SCG5: variants seen among roughly 807,000 people sequenced by gnomAD.
The protein encoded by SCG5 is secretogranin V, also known as neuroendocrine protein 7B2.
In SCG5, 18 loss-of-function variants were observed where a neutral mutation model predicts 25.7. That is an observed-to-expected ratio of 0.70 (90% CI 0.48 to 1.04). The LOEUF (loss-of-function observed/expected upper bound fraction) is 1.04, where lower values mean the gene tolerates loss of function less well. Ranked by LOEUF, SCG5 falls within the 50% of genes least tolerant of loss-of-function variation. The pLI is 0.00. For synonymous variants in SCG5, 101 were observed against 91.7 expected (o/e 1.10, Z -0.58); for missense variants, 206 against 259.8 (o/e 0.79, Z 1.42).
chr15:32,688,215 C>T (rs1030362386), intron 4 of SCG5, among the ~76,000 whole-genome samples: 1 of 152,224 alleles, frequency 6.6e-6, no homozygotes, highest in African/African-American at 2.4e-5. Context: ...GCCTTCCAGA[C>T]AATGTGTGTG....
intron 2 of SCG5, among the ~76,000 whole-genome samples, chr15:32,657,209 A>ATG (rs10643931): frequency 0.16 from 6,187 of 38,750 alleles, 1,969 homozygotes; most frequent in African/African-American, 0.34. Flanking sequence ...GTATATATAT[A>ATG]TATGTATGTA....
chr15:32,672,423 G>C (rs1372501799), intron 2 of SCG5, among the ~76,000 whole-genome samples: 1 of 152,256 alleles, frequency 6.6e-6, no homozygotes, highest in African/African-American at 2.4e-5. Context: ...GAGGGCAGGG[G>C]TTGTCCGGAT....
At chr15:32,667,529 C>T (rs567276312) in intron 2 of SCG5, among the ~76,000 whole-genome samples, 3 of 152,372 alleles carry the variant, frequency 2.0e-5, no homozygotes, top group Non-Finnish European at 4.4e-5. Context: ...GACTTTAAGG[C>T]ACGAATTGCT....
Position 32,676,062 on chromosome 15 carries a change from C to G in SCG5, c.227-3704C>G, listed in dbSNP as rs558281743. On this transcript the variant is annotated intron_variant, in intron 2 of 5. Transcript: ENST00000300175. ...AATGAACCAGATAACTGCATTTGGC[C>G]CTTTGCAACTGTATAATATTAAAAT... is the stretch of plus-strand genomic sequence containing the variant. 4.6e-5 allele frequency among the ~76,000 whole-genome samples: 7 copies of G among 152,168 alleles called. No individual in the cohort carries two copies. In the East Asian group the frequency reaches 1.4e-3, roughly 29 times the overall value.
rs755549502 is a variant in SCG5, at chr15:32,684,274, C to T, written c.377-283C>T. ...GCCTCCACTCAGGCAAATGACTCCA[C>T]GTGATTGCAAAGCAAGGCTGGGAAA... On this transcript the variant is annotated intron_variant, in intron 3 of 5. Coordinates refer to ENST00000300175, the MANE Select transcript of SCG5 (RefSeq NM_001144757.3). The T allele has an allele frequency of 1.9e-5, 7 of 372,650 alleles. 1 individual carries two copies. Among genetic ancestry groups the T allele is most frequent in the East Asian group, 9.7e-5 (2 of 20,610 alleles). The allele number at this position is 372,650 out of a possible 1,614,324, so 23.1% of individuals were successfully genotyped here. A position where few individuals can be genotyped will look rare whatever the true frequency, so the allele number is the denominator to read the frequency against.
At chr15:32,695,984 A>T (rs1027899818) in intron 5 of SCG5, among the ~76,000 whole-genome samples, 2 of 152,258 alleles carry the variant, frequency 1.3e-5, no homozygotes. Flanking sequence ...AATTAGAGAC[A>T]TCTATCAGTC....
intron 5 of SCG5, among the ~76,000 whole-genome samples, chr15:32,694,552 C>T (rs564721775): frequency 6.6e-6 from 1 of 152,330 alleles, no homozygotes; most frequent in Admixed American, 6.5e-5. Context: ...CCTCCTTTAA[C>T]ATATTAGAAT....
At chr15:32,663,032 AATAT>A (rs67571496) in intron 2 of SCG5, among the ~76,000 whole-genome samples, 2,451 of 78,416 alleles carry the variant, frequency 0.031, 59 homozygotes, top group Admixed American at 0.058. Flanking sequence ...AAAAAAAAAG[AATAT>A]ATATATATAT....
chr15:32,672,150 G>T (rs1226075426), intron 2 of SCG5, among the ~76,000 whole-genome samples: 1 of 152,262 alleles, frequency 6.6e-6, no homozygotes, highest in Non-Finnish European at 1.5e-5. Context: ...AGTGAAAACT[G>T]CTGGACCCGT....
rs149739642 is a variant in SCG5, at chr15:32,681,509, T to C, written c.376+1594T>C. On this transcript the variant is annotated intron_variant, in intron 3 of 5. Transcript: ENST00000300175. ...TCTTTTTTTTTTTTTTGAGATAGGGTCTTACTTTGTTGCCCAGGTGGGAGT... is the reference window on the plus strand; with the variant it reads ...TCTTTTTTTTTTTTTTGAGATAGGGCCTTACTTTGTTGCCCAGGTGGGAGT... Among the ~76,000 whole-genome samples the C allele has an allele frequency of 2.9e-3, 426 of 145,432 alleles. 5 individuals are homozygous for C. In the East Asian group the frequency reaches 0.05, roughly 17 times the overall value.
chr15:32,664,949 G>A (rs1051673763), intron 2 of SCG5, among the ~76,000 whole-genome samples: 4 of 152,190 alleles, frequency 2.6e-5, no homozygotes, highest in Non-Finnish European at 4.4e-5. Flanking sequence ...GCCTATGGGA[G>A]CCCAGCCTCT....
chr15:32,689,883 C>G (rs2054812941), intron 4 of SCG5, among the ~76,000 whole-genome samples: 1 of 151,508 alleles, frequency 6.6e-6, no homozygotes, highest in Non-Finnish European at 1.5e-5. Flanking sequence ...GCTCTGTCCC[C>G]CAGGCTGGAG....
At chr15:32,692,054 C>T in intron 5 of SCG5, 1 of 1,278,046 alleles carries the variant, frequency 7.8e-7, no homozygotes, top group Non-Finnish European at 9.9e-7. Flanking sequence ...CAGTGTGGGA[C>T]ATATCTGGGG....
intron 2 of SCG5, among the ~76,000 whole-genome samples, chr15:32,651,972 G>A (rs1287734936): frequency 6.6e-6 from 1 of 152,144 alleles, no homozygotes; most frequent in Non-Finnish European, 1.5e-5. Context: ...GGGTCACCCT[G>A]GGTGGGTATT....
Position 32,684,652 on chromosome 15 carries a change from C to G in SCG5, c.472C>G (p.Pro158Ala), listed in dbSNP as rs753398276. ...QHLFDPEHDY[P>A]GLGKWNKKLL... ...TCTCTTTGATCCGGAACATGACTATCCAGGCTTGGGCAAGTGGGTAAGTCC... is the reference window on the plus strand; with the variant it reads ...TCTCTTTGATCCGGAACATGACTATGCAGGCTTGGGCAAGTGGGTAAGTCC... The change falls in exon 4 of 6, where the codon CCA (proline) becomes GCA (alanine). Residue 158 changes from proline (P) to alanine (A), a missense_variant. Physicochemically the swap from Pro to Ala is conservative, Grantham distance 27. Coordinates refer to ENST00000300175, the MANE Select transcript of SCG5 (RefSeq NM_001144757.3). 1.2e-6 allele frequency: 2 copies of G among 1,612,848 alleles called. No individual in the cohort carries two copies. Among genetic ancestry groups the G allele is most frequent in the East Asian group, 4.5e-5 (2 of 44,892 alleles).
At position 32,684,651 on chromosome 15, in the gene SCG5, T is replaced by C. The variant is rs1257337524; in HGVS notation, c.471T>C (p.Tyr157=). The C allele has an allele frequency of 6.2e-6, 10 of 1,613,194 alleles. No individual in the cohort carries two copies. Among genetic ancestry groups the C allele is most frequent in the Non-Finnish European group, 7.6e-6 (9 of 1,179,322 alleles). The change falls in exon 4 of 6, where the codon TAT becomes TAC. Residue 157 remains tyrosine (Y), a synonymous_variant. Coordinates refer to ENST00000300175, the MANE Select transcript of SCG5 (RefSeq NM_001144757.3). ...HQHLFDPEHD[Y]PGLGKWNKKL... is the part of the protein sequence containing the mutation. ...ATCTCTTTGATCCGGAACATGACTATCCAGGCTTGGGCAAGTGGGTAAGTC... is the reference window on the plus strand; with the variant it reads ...ATCTCTTTGATCCGGAACATGACTACCCAGGCTTGGGCAAGTGGGTAAGTC...
intron 2 of SCG5, among the ~76,000 whole-genome samples, chr15:32,649,857 T>C (rs1427167662): frequency 6.6e-6 from 1 of 152,236 alleles, no homozygotes; most frequent in Non-Finnish European, 1.5e-5. Flanking sequence ...TTTCTAGCTA[T>C]GTGTAATCCT....
intron 2 of SCG5, among the ~76,000 whole-genome samples, chr15:32,648,257 C>T (rs2053976021): frequency 6.6e-6 from 1 of 152,138 alleles, no homozygotes. Context: ...AATCCATGTG[C>T]AATTTCCTGT....
At chr15:32,657,536 C>T (rs1257535893) in intron 2 of SCG5, among the ~76,000 whole-genome samples, 1 of 151,930 alleles carries the variant, frequency 6.6e-6, no homozygotes, top group Non-Finnish European at 1.5e-5. Flanking sequence ...GTTATAGAAG[C>T]AGGTTTAAAG....
Sources: gnomAD v4.1 joint callset for allele counts (sites outside exome capture counted in the v4.1 genomes callset) on GRCh38, gnomAD v4.1.1 for gene constraint, MANE v1.5 for transcripts, NCBI Gene and HGNC (gene_info 2026-07-23, HGNC 2026-07-21) for gene names.